Variants in HNF4G observed in about 807,000 individuals in gnomAD.
HNF4G encodes hepatocyte nuclear factor 4-gamma.
Under a neutral mutation model 50.9 loss-of-function variants are expected in HNF4G, and 21 were observed. The ratio of observed to expected loss-of-function variants is 0.41; its 90% confidence interval spans 0.29 to 0.59. The LOEUF is 0.59. Among genes scored for constraint, HNF4G ranks in the 20% least tolerant of loss-of-function variants. The pLI, the probability that HNF4G is intolerant of heterozygous loss-of-function variation, is 0.26. For missense variants in HNF4G, 527 were observed against 559.4 expected (o/e 0.94, Z 0.58); for synonymous variants, 198 against 185.6 (o/e 1.07, Z -0.54).
intron 1 of HNF4G, among the ~76,000 whole-genome samples, chr8:75,444,742 A>T (rs1811379824): frequency 1.1e-5 from 1 of 89,852 alleles, no homozygotes; most frequent in South Asian, 3.5e-4. Flanking sequence ...TCCTAAATAT[A>T]TATGCACCCA....
At chr8:75,519,617 C>T (rs749871319) in intron 2 of HNF4G, among the ~76,000 whole-genome samples, 3 of 152,266 alleles carry the variant, frequency 2.0e-5, no homozygotes, top group South Asian at 4.1e-4. Context: ...ATCATGAGAA[C>T]AGCATGGGAA....
chr8:75,431,350 T>C (rs1013559706), intron 1 of HNF4G, among the ~76,000 whole-genome samples: 2 of 152,188 alleles, frequency 1.3e-5, no homozygotes, highest in African/African-American at 2.4e-5. Flanking sequence ...GATCTTCATA[T>C]TCACATAACA....
At position 75,565,954 on chromosome 8, in the gene HNF4G, C is replaced by T. The variant is rs1274599043; in HGVS notation, c.*1858C>T. 1 of 151,634 alleles carries T rather than the reference C, an allele frequency of 6.6e-6. No homozygotes were observed. The highest frequency in any genetic ancestry group is 2.4e-5 in the African/African-American group (1 of 41,222). The allele number at this position is 151,634 out of a possible 1,614,324, so 9.4% of individuals were successfully genotyped here. A position where few individuals can be genotyped will look rare whatever the true frequency, so the allele number is the denominator to read the frequency against. ...TGAAAATTTACTGTAGCTTCTATTTCGTGAATAAGAATGTTTTGATTTTGA... is the reference window on the plus strand; with the variant it reads ...TGAAAATTTACTGTAGCTTCTATTTTGTGAATAAGAATGTTTTGATTTTGA... On this transcript the variant is annotated 3_prime_UTR_variant, in exon 10 of 10. Transcript: ENST00000396423.
At chr8:75,518,460 A>G (rs1349136056) in intron 2 of HNF4G, among the ~76,000 whole-genome samples, 1 of 152,072 alleles carries the variant, frequency 6.6e-6, no homozygotes, top group Admixed American at 6.5e-5. Flanking sequence ...ATACCATTTG[A>G]CCCAGCCATC....
intron 1 of HNF4G, among the ~76,000 whole-genome samples, chr8:75,451,349 C>A (rs1480602799): frequency 1.3e-5 from 2 of 151,624 alleles, no homozygotes; most frequent in African/African-American, 4.8e-5. Context: ...GATATAATTC[C>A]ATTTGTGTAT....
At chr8:75,416,541 T>C (rs1563497699) in intron 1 of HNF4G, among the ~76,000 whole-genome samples, 1 of 152,096 alleles carries the variant, frequency 6.6e-6, no homozygotes, top group Non-Finnish European at 1.5e-5. Flanking sequence ...GGCTTCTCCA[T>C]ATTAAAATGC....
At chr8:75,494,853 C>A (rs899467453) in intron 2 of HNF4G, among the ~76,000 whole-genome samples, 1 of 151,948 alleles carries the variant, frequency 6.6e-6, no homozygotes, top group Admixed American at 6.6e-5. Context: ...ATAAACATCT[C>A]TACTTTAAAA....
upstream of HNF4G, among the ~76,000 whole-genome samples, chr8:75,538,071 A>G (rs919419665): frequency 2.0e-5 from 3 of 152,192 alleles, no homozygotes; most frequent in Admixed American, 2.0e-4. Flanking sequence ...GAATATCATT[A>G]CAAAGACTAC....
At chr8:75,441,791 A>G (rs1243242500) in intron 1 of HNF4G, among the ~76,000 whole-genome samples, 2 of 152,210 alleles carry the variant, frequency 1.3e-5, no homozygotes, top group Non-Finnish European at 2.9e-5. Flanking sequence ...GTAGCAAACA[A>G]TCAGCGAACT....
At chr8:75,421,844 C>T (rs990635446) in intron 1 of HNF4G, among the ~76,000 whole-genome samples, 14 of 152,076 alleles carry the variant, frequency 9.2e-5, no homozygotes, top group Non-Finnish European at 1.5e-4. Context: ...GCACGGTGCA[C>T]GTGGAGATTG....
At chr8:75,439,821 A>C (rs1811232623) in intron 1 of HNF4G, among the ~76,000 whole-genome samples, 1 of 152,000 alleles carries the variant, frequency 6.6e-6, no homozygotes, top group Non-Finnish European at 1.5e-5. Flanking sequence ...AATAATTTCT[A>C]CCTTAAAACT....
At chr8:75,469,630 T>C (rs1464830927) in intron 1 of HNF4G, among the ~76,000 whole-genome samples, 2 of 152,176 alleles carry the variant, frequency 1.3e-5, no homozygotes, top group Non-Finnish European at 2.9e-5. Context: ...TGTTTCAAAT[T>C]GTCCGATAAG....
intron 1 of HNF4G, among the ~76,000 whole-genome samples, chr8:75,477,896 G>A (rs532523227): frequency 3.9e-5 from 6 of 152,294 alleles, no homozygotes; most frequent in Non-Finnish European, 8.8e-5. Flanking sequence ...GAACCCAGGA[G>A]GGGGAGGCTG....
At chr8:75,451,374 C>T (rs943390217) in intron 1 of HNF4G, among the ~76,000 whole-genome samples, 7 of 151,866 alleles carry the variant, frequency 4.6e-5, no homozygotes, top group Non-Finnish European at 1.0e-4. Flanking sequence ...GCTTTTGTTA[C>T]CTGTGCTTTT....
At chr8:75,468,834 A>C (rs1812050785) in intron 1 of HNF4G, among the ~76,000 whole-genome samples, 1 of 152,166 alleles carries the variant, frequency 6.6e-6, no homozygotes. Flanking sequence ...ATCATCTAGA[A>C]AGCAAGTTAA....
At chr8:75,520,239 T>C (rs984808916) in intron 2 of HNF4G, among the ~76,000 whole-genome samples, 14 of 152,124 alleles carry the variant, frequency 9.2e-5, no homozygotes, top group African/African-American at 3.4e-4. Context: ...AATAGCATAA[T>C]AAAGAATTTA....
chr8:75,558,456 C>T (rs1281194083), intron 6 of HNF4G, 62 bp from the exon 7 acceptor site: 1 of 1,499,022 alleles, frequency 6.7e-7, no homozygotes, highest in Non-Finnish European at 9.1e-7. Context: ...TTAAACAGTG[C>T]TGACAATTTG....
chr8:75,562,647 G>A (rs932090410), intron 9 of HNF4G, among the ~76,000 whole-genome samples: 4 of 152,034 alleles, frequency 2.6e-5, no homozygotes, highest in African/African-American at 9.7e-5. Flanking sequence ...ACTTTTTAAG[G>A]GCTAGTATTA....
intron 2 of HNF4G, among the ~76,000 whole-genome samples, chr8:75,504,345 A>G (rs1286499342): frequency 6.6e-6 from 1 of 152,088 alleles, no homozygotes; most frequent in Non-Finnish European, 1.5e-5. Flanking sequence ...TACCTTTTAT[A>G]TTAACAAGTG....
Sources: allele counts gnomAD v4.1 joint callset (sites outside exome capture counted in the v4.1 genomes callset), GRCh38; gene constraint gnomAD v4.1.1; transcripts MANE v1.5; gene names NCBI Gene and HGNC (gene_info 2026-07-23, HGNC 2026-07-21).